The following NR4A1 variants were observed in gnomAD, a reference collection of about 807,000 sequenced individuals.
The protein encoded by NR4A1 is nuclear receptor subfamily 4immunitygroup A member 1.
In NR4A1, 24 loss-of-function variants were observed where a neutral mutation model predicts 47.5. That is an observed-to-expected ratio of 0.50 (90% CI 0.37 to 0.71). The LOEUF is 0.71. Ranked by LOEUF, NR4A1 falls within the 30% of genes least tolerant of loss-of-function variation. NR4A1 has a pLI of 0.00. For missense variants in NR4A1, 669 were observed against 788.6 expected (o/e 0.85, Z 1.82); for synonymous variants, 353 against 345.7 (o/e 1.02, Z -0.24).
upstream of NR4A1, among the ~76,000 whole-genome samples, chr12:52,048,006 T>G (rs140552939): frequency 9.8e-4 from 148 of 151,408 alleles, 3 homozygotes; most frequent in East Asian, 0.027. Flanking sequence ...TACAAAAAAT[T>G]AGCTGGGTGT....
At chr12:52,055,756 G>A in intron 2 of NR4A1, 1 of 328,600 alleles carries the variant, frequency 3.0e-6, no homozygotes, top group Non-Finnish European at 5.4e-6. Context: ...AAAAAATACA[G>A]GTGTCTAGAC....
At chr12:52,033,640 T>C (rs944768913) in intron 1 of NR4A1, among the ~76,000 whole-genome samples, 2 of 152,210 alleles carry the variant, frequency 1.3e-5, no homozygotes, top group South Asian at 2.1e-4. Flanking sequence ...CTCATCCTTA[T>C]GCAATCTGGA....
In NR4A1 at chr12:52,056,180, C is replaced by T. The variant is rs368651203; in HGVS notation, c.1006+21C>T. ...GGAAGGTGTGTGGCTGGGGTGCGGC[C>T]CAGCGGGGCAAGGGTAGGCTTGAGT... On this transcript the variant is annotated intron_variant, in intron 3 of 6. Coordinates refer to ENST00000394825, the MANE Select transcript of NR4A1 (RefSeq NM_173157.3). 5 of 1,581,772 alleles carry T rather than the reference C, an allele frequency of 3.2e-6. No individual in the cohort carries two copies. In the African/African-American group the frequency reaches 6.8e-5, roughly 21 times the overall value.
chr12:52,056,134 C>T lies in NR4A1; in HGVS notation c.981C>T (p.Cys327=), dbSNP rs780833461. ...NRCQFCRFQK[C]LAVGMVKEVV... is the part of the protein sequence containing the mutation. ...GCCAGTTCTGCCGCTTCCAGAAGTG[C>T]CTGGCGGTGGGCATGGTGAAGGAAG... The change falls in exon 3 of 7, where the codon TGC becomes TGT. Residue 327 remains cysteine (C), a synonymous_variant. Coordinates refer to ENST00000394825, the MANE Select transcript of NR4A1 (RefSeq NM_173157.3). The T allele has an allele frequency of 1.2e-6, 2 of 1,610,298 alleles. No individual in the cohort carries two copies. Among genetic ancestry groups the T allele is most frequent in the Non-Finnish European group, 1.7e-6 (2 of 1,178,252 alleles).
intron 1 of NR4A1, among the ~76,000 whole-genome samples, chr12:52,039,199 A>G (rs1236415458): frequency 6.6e-6 from 1 of 152,236 alleles, no homozygotes; most frequent in Non-Finnish European, 1.5e-5. Flanking sequence ...TGCTTAATGT[A>G]TCTGGCACAT....
rs398019589 is a variant in NR4A1, at chr12:52,052,304, T to TGTGAGA, written c.-3+737_-3+738insTGAGAG. Among the ~76,000 whole-genome samples the TGTGAGA allele has an allele frequency of 2.7e-3, 192 of 70,626 alleles. 1 individual carries two copies. Among genetic ancestry groups the TGTGAGA allele is most frequent in the African/African-American group, 8.2e-3 (177 of 21,618 alleles). 46.3% of individuals were successfully genotyped at this position (70,626 alleles called of 152,430 possible). On this transcript the variant is annotated intron_variant, in intron 1 of 6. Transcript: ENST00000394825. ...GTGTGTGTGTGTGTGTGTGTGTGTG[T>TGTGAGA]GAGAGAGAGAGAGAGAGAGAGAGAA... is the stretch of plus-strand genomic sequence containing the variant.
chr12:52,037,143 G>C (rs1411344701), intron 1 of NR4A1: 1 of 147,910 alleles, frequency 6.8e-6, no homozygotes, highest in Non-Finnish European at 1.5e-5. Flanking sequence ...GCCGGGGGAG[G>C]CGCGCCGGGG....
At chr12:52,045,014 A>G (rs530553894) in intron 2 of NR4A1, among the ~76,000 whole-genome samples, 1 of 152,306 alleles carries the variant, frequency 6.6e-6, no homozygotes, top group East Asian at 1.9e-4. Context: ...TGGACTGAAG[A>G]TAGCCTCTGT....
chr12:52,037,394 G>A, intron 1 of NR4A1: 1 of 985,632 alleles, frequency 1.0e-6, no homozygotes, highest in African/African-American at 1.7e-5. Context: ...CGGCTGGTGC[G>A]CGACCCCGGA....
At chr12:52,028,232 AGAG>A (rs1159052519) in intron 1 of NR4A1, among the ~76,000 whole-genome samples, 6 of 146,506 alleles carry the variant, frequency 4.1e-5, no homozygotes. Flanking sequence ...AAAAAAAAGA[AGAG>A]AGAAGTATGA....
intron 1 of NR4A1, among the ~76,000 whole-genome samples, chr12:52,023,113 C>G (rs1421860769): frequency 6.6e-6 from 1 of 152,248 alleles, no homozygotes; most frequent in Non-Finnish European, 1.5e-5. Context: ...TTCACGGGTT[C>G]CCGTCTAGAC....
chr12:52,057,083 T>C lies in NR4A1; in HGVS notation c.1185T>C (p.Phe395=). 1.2e-6 allele frequency: 2 copies of C among 1,609,020 alleles called. No individual in the cohort carries two copies. Among genetic ancestry groups the C allele is most frequent in the East Asian group, 2.2e-5 (1 of 44,652 alleles). ...SKFQELVLPH[F]GKEDAGDVQQ... ...TCCAGGAGCTGGTGCTGCCCCACTT[T>C]GGGAAGGAAGATGCTGGGGATGTAC... Residue 395 remains phenylalanine (F), a synonymous_variant, in exon 5 of 7, where the codon TTT becomes TTC. Coordinates refer to ENST00000394825, the MANE Select transcript of NR4A1 (RefSeq NM_173157.3).
At chr12:52,056,198 G>A in intron 3 of NR4A1, 39 bp downstream of exon 3, 2 of 1,553,434 alleles carry the variant, frequency 1.3e-6, no homozygotes, top group Middle Eastern at 3.5e-4. Flanking sequence ...GCAAGGGTAG[G>A]CTTGAGTGGA....
intron 1 of NR4A1, among the ~76,000 whole-genome samples, chr12:52,032,349 T>C (rs536448861): frequency 1.3e-5 from 2 of 152,324 alleles, no homozygotes; most frequent in African/African-American, 4.8e-5. Context: ...GCTTCAGACA[T>C]CCATGCTCTG....
At chr12:52,025,063 C>CT (rs532559170) in intron 1 of NR4A1, among the ~76,000 whole-genome samples, 37,810 of 132,122 alleles carry the variant, frequency 0.29, 5,964 homozygotes, top group Non-Finnish European at 0.34. Context: ...CTCACTGCTG[C>CT]TTTTTTTTTT....
intron 2 of NR4A1, chr12:52,045,614 G>C (rs1000125356): frequency 5.0e-5 from 22 of 437,206 alleles, no homozygotes; most frequent in African/African-American, 4.2e-4. Context: ...TGAGGAAGCA[G>C]TCTTGGAGAG....
chr12:52,043,048 G>A (rs1412954822), intron 2 of NR4A1, among the ~76,000 whole-genome samples: 2 of 152,182 alleles, frequency 1.3e-5, no homozygotes, highest in Admixed American at 6.5e-5. Flanking sequence ...AGGATGGGGT[G>A]TCTGGTCCCA....
At chr12:52,030,171 C>T (rs1039263401) in intron 1 of NR4A1, among the ~76,000 whole-genome samples, 1 of 152,208 alleles carries the variant, frequency 6.6e-6, no homozygotes, top group Non-Finnish European at 1.5e-5. Flanking sequence ...CTCCCTGTCC[C>T]TCTCCCCTTC....
rs2120559574 is a variant in NR4A1, at chr12:52,058,875, C to T, written c.1728C>T (p.Leu576=). The change falls in exon 7 of 7, where the codon CTC becomes CTT. Residue 576 remains leucine, a synonymous_variant. Coordinates refer to ENST00000394825, the MANE Select transcript of NR4A1 (RefSeq NM_173157.3). ...CTQGLQRIFY[L]KLEDLVPPPP... ...AGGGCCTGCAGCGCATCTTCTACCT[C>T]AAGCTGGAGGACTTGGTGCCCCCTC... The T allele has an allele frequency of 1.2e-6, 2 of 1,614,120 alleles. No individual in the cohort carries two copies. The highest frequency in any genetic ancestry group is 2.2e-5 in the East Asian group (1 of 44,876).
Sources: allele counts gnomAD v4.1 joint callset (sites outside exome capture counted in the v4.1 genomes callset), GRCh38; gene constraint gnomAD v4.1.1; transcripts MANE v1.5; gene names NCBI Gene and HGNC (gene_info 2026-07-23, HGNC 2026-07-21).